Variants in FOXN3 observed in about 807,000 individuals in gnomAD.
FOXN3 encodes the protein forkhead box N3, also known as forkhead box protein N3.
In FOXN3, 7 loss-of-function variants were observed where a neutral mutation model predicts 38.4. That is an observed-to-expected ratio of 0.18 (90% CI 0.10 to 0.34). The LOEUF is 0.34. Among genes scored for constraint, FOXN3 ranks in the 10% least tolerant of loss-of-function variants. FOXN3 has a pLI of 1.00. For missense variants in FOXN3, 456 were observed against 613.4 expected (o/e 0.74, Z 2.71); for synonymous variants, 230 against 242.2 (o/e 0.95, Z 0.47).
intron 1 of FOXN3, among the ~76,000 whole-genome samples, chr14:89,556,534 G>A (rs2139872102): frequency 6.6e-6 from 1 of 152,246 alleles, no homozygotes; most frequent in Non-Finnish European, 1.5e-5. Context: ...ACCTACCCCT[G>A]GAGATCTGGT....
chr14:89,572,353 G>C (rs1895512598), intron 1 of FOXN3, among the ~76,000 whole-genome samples: 2 of 152,326 alleles, frequency 1.3e-5, no homozygotes, highest in East Asian at 1.9e-4. Context: ...ATTCTCCCTT[G>C]TGTTTGGGAA....
rs547409683 is a variant in FOXN3 at position 89,337,362 on chromosome 14, A to G, written c.680+13310T>C. Among the ~76,000 whole-genome samples, 6 of 152,292 alleles carry G rather than the reference A, an allele frequency of 3.9e-5. No individual in the cohort carries two copies. In the South Asian group the frequency reaches 1.0e-3, roughly 26 times the overall value. On this transcript the variant is annotated intron_variant, in intron 3 of 5. Transcript: ENST00000557258. ...AGAAGAAAAGAATGTAGGGGAAAAA[A>G]ACTAATGAGTGACTGCCAAGAGATT...
chr14:89,497,000 G>C (rs1893698609), intron 1 of FOXN3, among the ~76,000 whole-genome samples: 2 of 152,228 alleles, frequency 1.3e-5, no homozygotes, highest in Non-Finnish European at 2.9e-5. Context: ...TATCTCCCAG[G>C]CTGGAGTGCA....
At chr14:89,343,625 T>G (rs1300972401) in intron 3 of FOXN3, among the ~76,000 whole-genome samples, 1 of 35,462 alleles carries the variant, frequency 2.8e-5, no homozygotes, top group Non-Finnish European at 6.6e-5. Flanking sequence ...TTAATGTGTG[T>G]GGTTTTTTTT....
intron 1 of FOXN3, among the ~76,000 whole-genome samples, chr14:89,433,116 A>C (rs551726967): frequency 1.2e-4 from 19 of 152,326 alleles, no homozygotes; most frequent in African/African-American, 3.6e-4. Context: ...TGGGAGGCCG[A>C]GGCGGGGTGA....
At chr14:89,456,977 C>T (rs1339387225) in intron 1 of FOXN3, among the ~76,000 whole-genome samples, 1 of 152,126 alleles carries the variant, frequency 6.6e-6, no homozygotes, top group Non-Finnish European at 1.5e-5. Flanking sequence ...TGAATATGAA[C>T]TACTTATACA....
chr14:89,216,722 C>T (rs1035408226), intron 4 of FOXN3, among the ~76,000 whole-genome samples: 8 of 152,150 alleles, frequency 5.3e-5, no homozygotes, highest in Admixed American at 1.3e-4. Context: ...TGGTCTTAGA[C>T]GGTTTTATCC....
rs548901465 is a variant in FOXN3, at chr14:89,515,752, A to G, written c.-14-103262T>C. ...CTGTGTCTCAAAAAGAAAAAAAACA[A>G]GCATGTATTCAAATGTGCACAGTCA... On this transcript the variant is annotated intron_variant, in intron 1 of 6. Coordinates refer to the FOXN3 transcript ENST00000345097. Among the ~76,000 whole-genome samples, 7 of 152,342 alleles carry G rather than the reference A, an allele frequency of 4.6e-5. No individual in the cohort carries two copies. The East Asian group carries it at 1.3e-3, about 29-fold the overall frequency.
chr14:89,583,555 T>C (rs1044765202), intron 1 of FOXN3, among the ~76,000 whole-genome samples: 1 of 152,142 alleles, frequency 6.6e-6, no homozygotes, highest in Non-Finnish European at 1.5e-5. Flanking sequence ...TCTCTCTCTC[T>C]TCCTGTTTTT....
chr14:89,194,219 T>C (rs781757374), intron 4 of FOXN3, among the ~76,000 whole-genome samples: 1 of 152,212 alleles, frequency 6.6e-6, no homozygotes, highest in Non-Finnish European at 1.5e-5. Context: ...TATAGCTTAA[T>C]GTCTTTTGTG....
chr14:89,523,827 A>G lies in FOXN3; in HGVS notation c.-15+95201T>C, dbSNP rs148662693. On this transcript the variant is annotated intron_variant, in intron 1 of 6. Coordinates refer to the FOXN3 transcript ENST00000345097. ...ACCCAGGCTGGAGTGCAATGGTGCA[A>G]TCTCAGCTCACTGCAACCTCTACCT... 9.7e-3 allele frequency among the ~76,000 whole-genome samples: 1,468 copies of G among 151,980 alleles called. 22 individuals are homozygous for G. The highest frequency in any genetic ancestry group is 0.034 in the African/African-American group (1,395 of 41,484).
At chr14:89,172,176 C>G (rs1435189431) in intron 5 of FOXN3, among the ~76,000 whole-genome samples, 1 of 152,090 alleles carries the variant, frequency 6.6e-6, no homozygotes, top group Admixed American at 6.5e-5. Context: ...GGAAAAAAAT[C>G]ATAAAGCTAC....
At chr14:89,253,456 G>A (rs1885525426) in intron 4 of FOXN3, among the ~76,000 whole-genome samples, 1 of 152,000 alleles carries the variant, frequency 6.6e-6, no homozygotes, top group Non-Finnish European at 1.5e-5. Context: ...GCCCACGTGG[G>A]AGATCAAACG....
At chr14:89,435,198 C>T (rs560434207) in intron 1 of FOXN3, among the ~76,000 whole-genome samples, 2 of 152,156 alleles carry the variant, frequency 1.3e-5, no homozygotes, top group South Asian at 2.1e-4. Flanking sequence ...GCCTGGGCAA[C>T]ACTGCAAGAC....
At chr14:89,454,505 T>C (rs543019935) in intron 1 of FOXN3, among the ~76,000 whole-genome samples, 15 of 152,336 alleles carry the variant, frequency 9.8e-5, no homozygotes, top group Admixed American at 2.6e-4. Context: ...TGCAATTGTG[T>C]AAAAAGATGC....
At chr14:89,204,818 CCATCCATCCATGCATTCATG>C (rs1195676100) in intron 4 of FOXN3, among the ~76,000 whole-genome samples, 1 of 151,818 alleles carries the variant, frequency 6.6e-6, no homozygotes, top group Non-Finnish European at 1.5e-5. Flanking sequence ...ATCCATCCAT[CCATCCATCCATGCATTCATG>C]CATCCATCCA....
At chr14:89,552,992 A>G (rs1030768229) in intron 1 of FOXN3, among the ~76,000 whole-genome samples, 1 of 152,126 alleles carries the variant, frequency 6.6e-6, no homozygotes, top group Non-Finnish European at 1.5e-5. Flanking sequence ...TTGTCAAGAC[A>G]CTTTGGGAGG....
rs1157691532 is a variant in FOXN3 at position 89,506,298 on chromosome 14, GC to G, written c.-14-93809del. On this transcript the variant is annotated intron_variant, in intron 1 of 6. Coordinates refer to the FOXN3 transcript ENST00000345097. ...GGTGGGGGGGTCAGCCCCCCGCCCG[GC>G]CAGCCGCCCCGTCCGGGAGGGAGGT... 1.9e-4 allele frequency among the ~76,000 whole-genome samples: 15 copies of G among 80,966 alleles called. 2 individuals are homozygous for G. Among genetic ancestry groups the G allele is most frequent in the African/African-American group, 5.1e-4 (15 of 29,578 alleles). 53.1% of individuals were successfully genotyped at this position (80,966 alleles called of 152,430 possible).
chr14:89,243,663 CAGGTAA>C (rs1885206717), intron 4 of FOXN3, among the ~76,000 whole-genome samples: 2 of 152,192 alleles, frequency 1.3e-5, no homozygotes, highest in African/African-American at 4.8e-5. Context: ...CCTTCTGCTA[CAGGTAA>C]ATACAGTAAA....
Sources: allele counts gnomAD v4.1 joint callset (sites outside exome capture counted in the v4.1 genomes callset), GRCh38; gene constraint gnomAD v4.1.1; transcripts MANE v1.5; gene names NCBI Gene and HGNC (gene_info 2026-07-23, HGNC 2026-07-21).